The following PCBP3 variants were observed in gnomAD, a reference collection of about 807,000 sequenced individuals.
The protein encoded by PCBP3 is poly(rC)-binding protein 3.
Under a neutral mutation model 52.7 loss-of-function variants are expected in PCBP3, and 25 were observed. That is an observed-to-expected ratio of 0.47 (90% CI 0.35 to 0.66). PCBP3 has a LOEUF of 0.66. PCBP3 is among the 30% of genes least tolerant of loss of function. The probability of loss-of-function intolerance (pLI) is 0.01; values close to 1 mark genes in which losing one functional copy is unlikely to be tolerated. For missense variants in PCBP3, 391 were observed against 490.3 expected (o/e 0.80, Z 1.91); for synonymous variants, 162 against 183.0 (o/e 0.89, Z 0.93).
chr21:45,891,540 A>G (rs1430192216), intron 5 of PCBP3, among the ~76,000 whole-genome samples: 2 of 152,216 alleles, frequency 1.3e-5, no homozygotes, highest in East Asian at 1.9e-4. Context: ...AGGAGTCTAT[A>G]GTGACCGCAA....
chr21:45,874,548 C>T (rs571281106), intron 5 of PCBP3, among the ~76,000 whole-genome samples: 13 of 150,122 alleles, frequency 8.7e-5, no homozygotes, highest in African/African-American at 2.0e-4. Context: ...TCTGTCGTCC[C>T]GGGCTGGAGT....
rs999649795 is a variant in PCBP3 at position 45,724,108 on chromosome 21, G to A, written c.-199-11284G>A. ...TCCCCCAGATCTGGAGAAATTCAGAGTCAAGGCTGTCCCCCTCCTGAAGTC... is the reference window on the plus strand; with the variant it reads ...TCCCCCAGATCTGGAGAAATTCAGAATCAAGGCTGTCCCCCTCCTGAAGTC... On this transcript the variant is annotated intron_variant, in intron 2 of 17. Transcript: ENST00000681687. This position sits in a 1 kb window ranked among gnomAD's most constrained non-coding sequence, Gnocchi z 5.3. Among the ~76,000 whole-genome samples the A allele has an allele frequency of 1.2e-4, 19 of 152,216 alleles. No homozygotes were observed. The highest frequency in any genetic ancestry group is 4.6e-4 in the African/African-American group (19 of 41,452).
At chr21:45,843,939 T>A (rs533416632) in intron 4 of PCBP3, among the ~76,000 whole-genome samples, 121 of 152,260 alleles carry the variant, frequency 7.9e-4, no homozygotes, top group African/African-American at 2.7e-3. Context: ...TTGTGGGGTA[T>A]ACTTGTGTGA....
intron 2 of PCBP3, among the ~76,000 whole-genome samples, chr21:45,685,017 T>C (rs1481064315): frequency 2.0e-5 from 3 of 152,234 alleles, no homozygotes; most frequent in Non-Finnish European, 4.4e-5. Flanking sequence ...TCCCTGTGAC[T>C]GTCTACCATA....
rs547372561 is a variant in PCBP3, at chr21:45,882,583, A to T, written c.11-13625A>T. ...TGCCTGTACTTTGAGGGCCATATTT[A>T]AAAAAAAATCATTAACTAAACCAGT... On this transcript the variant is annotated intron_variant, in intron 5 of 17. Transcript: ENST00000681687. 1.6e-4 allele frequency among the ~76,000 whole-genome samples: 24 copies of T among 151,304 alleles called. 1 individual carries two copies. In the East Asian group the frequency reaches 1.7e-3, roughly 11 times the overall value.
intron 4 of PCBP3, chr21:45,828,650 A>T (rs1281599813): frequency 1.3e-5 from 2 of 152,524 alleles, no homozygotes; most frequent in African/African-American, 4.8e-5. Context: ...TTTCCATGAA[A>T]GGCGGATGGT....
rs2083315565 is a variant in PCBP3 at position 45,704,391 on chromosome 21, A to C, written c.-199-31001A>C. On this transcript the variant is annotated intron_variant, in intron 2 of 17. Coordinates refer to ENST00000681687, the MANE Select transcript of PCBP3 (RefSeq NM_001384156.1). The surrounding 1 kb of genome is among the most constrained non-coding windows in gnomAD (Gnocchi z 4.1). ...TGGTGGGGGAACTGGGAACAAGAGC[A>C]GGAAGTTTTAAAATGCAGGACATGC... Among the ~76,000 whole-genome samples the C allele has an allele frequency of 6.6e-6, 1 of 152,166 alleles. No homozygotes were observed. The highest frequency in any genetic ancestry group is 2.4e-5 in the African/African-American group (1 of 41,440).
In PCBP3 at chr21:45,928,726, C is replaced by T. The variant is rs896420712; in HGVS notation, c.718-1191C>T. 6.6e-6 allele frequency among the ~76,000 whole-genome samples: 1 copy of T among 152,226 alleles called. No individual in the cohort carries two copies. Among genetic ancestry groups the T allele is most frequent in the Non-Finnish European group, 1.5e-5 (1 of 68,034 alleles). ...TGGCCTCTGTGGCAGCTTCTGCCAC[C>T]CATACCCTGTGCAGTGAGGAAGCTG... On this transcript the variant is annotated intron_variant, in intron 13 of 17. Coordinates refer to ENST00000681687, the MANE Select transcript of PCBP3 (RefSeq NM_001384156.1). This position sits in a 1 kb window ranked among gnomAD's most constrained non-coding sequence, Gnocchi z 4.1.
intron 2 of PCBP3, among the ~76,000 whole-genome samples, chr21:45,691,634 G>A (rs2082487749): frequency 6.6e-6 from 1 of 151,776 alleles, no homozygotes; most frequent in Admixed American, 6.6e-5. Context: ...ATAAAAAATG[G>A]TAAATTGCAA....
chr21:45,819,703 C>G (rs942590859), intron 4 of PCBP3, among the ~76,000 whole-genome samples: 1 of 152,226 alleles, frequency 6.6e-6, no homozygotes, highest in African/African-American at 2.4e-5. Context: ...TGTACTTGGC[C>G]TTTTCTGCCT....
chr21:45,918,078 A>ATGC, intron 13 of PCBP3: 1 of 232,396 alleles, frequency 4.3e-6, no homozygotes, highest in Non-Finnish European at 8.6e-6. Context: ...CCCCTTTCAG[A>ATGC]GTCCACATGA....
chr21:45,666,965 T>G (rs921310453), intron 1 of PCBP3, among the ~76,000 whole-genome samples: 1 of 152,162 alleles, frequency 6.6e-6, no homozygotes, highest in Admixed American at 6.5e-5. Context: ...GGTTATTGAA[T>G]GTATAATTTT....
chr21:45,863,073 C>T (rs1157517473), intron 5 of PCBP3, among the ~76,000 whole-genome samples: 1 of 152,206 alleles, frequency 6.6e-6, no homozygotes, highest in Non-Finnish European at 1.5e-5. Flanking sequence ...GAGGCTGCAG[C>T]TCGTCCACTC....
At chr21:45,688,999 A>G (rs1027756846) in intron 2 of PCBP3, among the ~76,000 whole-genome samples, 7 of 152,260 alleles carry the variant, frequency 4.6e-5, no homozygotes, top group African/African-American at 1.7e-4. Context: ...GAATTCTATC[A>G]AAAGTTTGAG....
chr21:45,870,216 G>T (rs2094943326), intron 5 of PCBP3, among the ~76,000 whole-genome samples: 1 of 150,696 alleles, frequency 6.6e-6, no homozygotes. Context: ...TTTTCTTTTG[G>T]GAAGATTCTT....
At chr21:45,795,315 CTTTTTT>C (rs34237544) in intron 4 of PCBP3, among the ~76,000 whole-genome samples, 1 of 145,462 alleles carries the variant, frequency 6.9e-6, no homozygotes, top group African/African-American at 2.5e-5. Context: ...TCTTCTTTTT[CTTTTTT>C]TTTTTTTCCC....
chr21:45,728,055 A>G (rs887872037), intron 2 of PCBP3, among the ~76,000 whole-genome samples: 1 of 152,156 alleles, frequency 6.6e-6, no homozygotes, highest in Non-Finnish European at 1.5e-5. Context: ...TACAAATTCT[A>G]GAATTAGATT....
intron 4 of PCBP3, among the ~76,000 whole-genome samples, chr21:45,799,634 G>A (rs1357127274): frequency 6.6e-6 from 1 of 152,038 alleles, no homozygotes; most frequent in Non-Finnish European, 1.5e-5. Context: ...CAAGACTTTG[G>A]CAGATGATGC....
chr21:45,706,480 TC>T (rs2083456482), intron 2 of PCBP3, among the ~76,000 whole-genome samples: 1 of 151,770 alleles, frequency 6.6e-6, no homozygotes, highest in South Asian at 2.1e-4. Flanking sequence ...CCCTCCCCTC[TC>T]CCTCTGCCAT....
Sources: gnomAD v4.1 joint callset for allele counts (sites outside exome capture counted in the v4.1 genomes callset) on GRCh38, gnomAD v4.1.1 for gene constraint, Gnocchi (gnomAD v3.1) non-coding constraint, MANE v1.5 for transcripts, NCBI Gene and HGNC (gene_info 2026-07-23, HGNC 2026-07-21) for gene names.